Variants in CDH18 observed in about 807,000 individuals in gnomAD.
CDH18 encodes cadherin-18.
CDH18 carries 31 observed loss-of-function variants against 67.9 expected under a neutral mutation model. That is an observed-to-expected ratio of 0.46 (90% CI 0.34 to 0.62). The LOEUF is 0.62. CDH18 is among the 20% of genes least tolerant of loss of function. CDH18 has a pLI of 0.01. For missense variants in CDH18, 890 were observed against 975.5 expected (o/e 0.91, Z 1.17); for synonymous variants, 362 against 347.2 (o/e 1.04, Z -0.48).
chr5:20,504,957 CG>C (rs1253476476), intron 1 of CDH18, among the ~76,000 whole-genome samples: 1 of 151,672 alleles, frequency 6.6e-6, no homozygotes, highest in African/African-American at 2.4e-5. Flanking sequence ...TTAGTAGAGA[CG>C]GGGTTTCACT....
chr5:20,445,343 G>A (rs1370091422), intron 1 of CDH18, among the ~76,000 whole-genome samples: 2 of 152,182 alleles, frequency 1.3e-5, no homozygotes, highest in African/African-American at 4.8e-5. Context: ...ATCCTGGAGT[G>A]CAACTGTGTG....
At chr5:19,481,653 G>T (rs1247535691) in intron 12 of CDH18, among the ~76,000 whole-genome samples, 2 of 152,084 alleles carry the variant, frequency 1.3e-5, no homozygotes, top group African/African-American at 4.8e-5. Flanking sequence ...CAAGTCTCTG[G>T]ATGCTCTCAC....
chr5:20,459,572 G>A (rs1440732486), intron 1 of CDH18, among the ~76,000 whole-genome samples: 2 of 152,110 alleles, frequency 1.3e-5, no homozygotes, highest in Non-Finnish European at 2.9e-5. Flanking sequence ...TTCACAAGGG[G>A]AAGGTCCACA....
At position 19,813,655 on chromosome 5, in the gene CDH18, A is replaced by C. The variant is rs898058026; in HGVS notation, c.228+25104T>G. ...ATTACAAAATTACAAGAATATTGAC[A>C]CTTGTAGTCATAGTAAACAATTTTA... On this transcript the variant is annotated intron_variant, in intron 3 of 12. Transcript: ENST00000382275. Among the ~76,000 whole-genome samples the C allele has an allele frequency of 2.0e-5, 3 of 152,144 alleles. 1 individual carries two copies. The highest frequency in any genetic ancestry group is 7.2e-5 in the African/African-American group (3 of 41,460).
In CDH18 at chr5:20,110,096, C is replaced by T. The variant is rs112740609; in HGVS notation, c.-517-118082G>A. On this transcript the variant is annotated intron_variant, in intron 2 of 14. Coordinates refer to the CDH18 transcript ENST00000507958. ...TCTCTCTGAGCTTACCCTCTACATGCCTTTGAAAAATCATAAAGAAAACAA... is the reference window on the plus strand; with the variant it reads ...TCTCTCTGAGCTTACCCTCTACATGTCTTTGAAAAATCATAAAGAAAACAA... Among the ~76,000 whole-genome samples the T allele has an allele frequency of 2.2e-3, 336 of 152,238 alleles. 1 individual carries two copies. The highest frequency in any genetic ancestry group is 7.6e-3 in the African/African-American group (314 of 41,554).
At chr5:19,676,649 A>G (rs1052722208) in intron 5 of CDH18, among the ~76,000 whole-genome samples, 3 of 152,022 alleles carry the variant, frequency 2.0e-5, no homozygotes, top group African/African-American at 7.2e-5. Flanking sequence ...TAAGAGAAAA[A>G]ATGGCAGGGT....
At chr5:19,982,419 A>T (rs1288646171) in intron 1 of CDH18, among the ~76,000 whole-genome samples, 1 of 144,716 alleles carries the variant, frequency 6.9e-6, no homozygotes. Context: ...TTTTCTGAAA[A>T]TTTTTTAAAA....
At chr5:20,200,910 T>TA (rs1739398704) in intron 2 of CDH18, among the ~76,000 whole-genome samples, 3 of 152,236 alleles carry the variant, frequency 2.0e-5, no homozygotes, top group Middle Eastern at 3.4e-3. Flanking sequence ...CTTATTCAAC[T>TA]AAAAAATCAC....
At chr5:19,864,245 G>A (rs982100056) in intron 2 of CDH18, among the ~76,000 whole-genome samples, 1 of 150,648 alleles carries the variant, frequency 6.6e-6, no homozygotes, top group Non-Finnish European at 1.5e-5. Context: ...GGATGAAATT[G>A]GAAATCATCA....
At chr5:19,512,977 G>A (rs1174149062) in intron 10 of CDH18, among the ~76,000 whole-genome samples, 4 of 151,974 alleles carry the variant, frequency 2.6e-5, no homozygotes, top group Non-Finnish European at 4.4e-5. Context: ...TTACTGTCAT[G>A]ATTTTTCTTA....
rs59298472 is a variant in CDH18, at chr5:19,819,828, G to A, written c.228+18931C>T. ...GGAGAACAGGGCTGCCTTTCCCACA[G>A]GACCATGGTGCATCTGATTTACAAA... is the stretch of plus-strand genomic sequence containing the variant. On this transcript the variant is annotated intron_variant, in intron 3 of 12. Coordinates refer to ENST00000382275, the MANE Select transcript of CDH18 (RefSeq NM_004934.5). Among the ~76,000 whole-genome samples, 475 of 152,238 alleles carry A rather than the reference G, an allele frequency of 3.1e-3. 4 individuals are homozygous for A. Among genetic ancestry groups the A allele is most frequent in the African/African-American group, 0.01 (432 of 41,554 alleles).
At chr5:20,344,878 T>C (rs1052311192) in intron 1 of CDH18, among the ~76,000 whole-genome samples, 8 of 152,124 alleles carry the variant, frequency 5.3e-5, no homozygotes, top group Admixed American at 2.0e-4. Context: ...ATTGACATTC[T>C]TTCTCTGGTG....
chr5:20,139,286 C>T (rs1000310667), intron 2 of CDH18, among the ~76,000 whole-genome samples: 9 of 152,210 alleles, frequency 5.9e-5, no homozygotes, highest in African/African-American at 1.7e-4. Context: ...AAACTGGATC[C>T]GTTCCTTACA....
intron 2 of CDH18, among the ~76,000 whole-genome samples, chr5:20,219,025 A>G (rs779874131): frequency 6.6e-6 from 1 of 152,000 alleles, no homozygotes; most frequent in Non-Finnish European, 1.5e-5. Context: ...CAAAAATTAG[A>G]GCAGATATAA....
intron 1 of CDH18, among the ~76,000 whole-genome samples, chr5:20,442,688 G>A (rs1424606213): frequency 6.6e-6 from 1 of 151,892 alleles, no homozygotes; most frequent in Admixed American, 6.5e-5. Context: ...TGCCTACCAA[G>A]TTTTAATTGG....
At chr5:19,477,802 G>A (rs1738740366) in intron 12 of CDH18, among the ~76,000 whole-genome samples, 3 of 151,860 alleles carry the variant, frequency 2.0e-5, no homozygotes, top group South Asian at 4.1e-4. Flanking sequence ...AACCAAGGTG[G>A]TGTTACAAAA....
At chr5:20,155,721 T>C (rs2126589114) in intron 2 of CDH18, among the ~76,000 whole-genome samples, 1 of 152,280 alleles carries the variant, frequency 6.6e-6, no homozygotes, top group South Asian at 2.1e-4. Flanking sequence ...TACATTTAAG[T>C]ATTTGATCCA....
At chr5:19,590,490 A>ATAGATAGT (rs1463648073) in intron 7 of CDH18, among the ~76,000 whole-genome samples, 4 of 151,844 alleles carry the variant, frequency 2.6e-5, no homozygotes, top group African/African-American at 9.7e-5. Flanking sequence ...AGATGGATAG[A>ATAGATAGT]TAGATAGATA....
At chr5:20,493,310 C>T (rs1753698192) in intron 1 of CDH18, among the ~76,000 whole-genome samples, 1 of 125,396 alleles carries the variant, frequency 8.0e-6, no homozygotes, top group Non-Finnish European at 1.6e-5. Context: ...GATCATGCAA[C>T]TGCACTCCAG....
Sources: allele counts gnomAD v4.1 joint callset (sites outside exome capture counted in the v4.1 genomes callset), GRCh38; gene constraint gnomAD v4.1.1; transcripts MANE v1.5; gene names NCBI Gene and HGNC (gene_info 2026-07-23, HGNC 2026-07-21).